Variants in CNGB1 observed in about 807,000 individuals in gnomAD.
CNGB1 encodes the protein cyclic nucleotide-gated channel beta-1.
CNGB1 carries 126 observed loss-of-function variants against 151.7 expected under a neutral mutation model. The ratio of observed to expected loss-of-function variants is 0.83; its 90% CI spans 0.72 to 0.96. CNGB1 has a LOEUF of 0.96. Among genes scored for constraint, CNGB1 ranks in the 40% least tolerant of loss-of-function variants. The probability of loss-of-function intolerance (pLI) is 0.00; values close to 1 mark genes in which losing one functional copy is unlikely to be tolerated. For missense variants in CNGB1, 1,698 were observed against 1,627.0 expected, an observed-to-expected ratio of 1.04 and a Z score of -0.75; for synonymous variants, 623 against 635.1, an observed-to-expected ratio of 0.98 and a Z score of 0.29.
intron 14 of CNGB1, among the ~76,000 whole-genome samples, chr16:57,941,934 C>A (rs2149377503): frequency 6.6e-6 from 1 of 152,238 alleles, no homozygotes; most frequent in African/African-American, 2.4e-5. Flanking sequence ...TCACTACAGC[C>A]TCAACCTCCC....
At chr16:57,929,290 G>A (rs755909945) in intron 17 of CNGB1, among the ~76,000 whole-genome samples, 12 of 152,142 alleles carry the variant, frequency 7.9e-5, no homozygotes, top group Non-Finnish European at 1.6e-4. Context: ...TTTTCACACT[G>A]CTATAAAGGA....
intron 32 of CNGB1, among the ~76,000 whole-genome samples, chr16:57,886,367 A>T (rs1290126224): frequency 3.9e-5 from 6 of 152,144 alleles, no homozygotes; most frequent in Non-Finnish European, 8.8e-5. Context: ...TACTGGGAGC[A>T]CCCTTGGAGT....
chr16:57,920,530 G>A lies in CNGB1; in HGVS notation c.1658C>T (p.Ala553Val), dbSNP rs374424738. Residue 553 changes from alanine to valine, a missense_variant, in exon 19 of 33, where the codon GCG becomes GTG. Ala to Val is a moderately conservative substitution (Grantham distance 64). Coordinates refer to ENST00000251102, the MANE Select transcript of CNGB1 (RefSeq NM_001297.5). The part of the protein sequence containing the change: ...TPKDTDGQDR[A>V]ASTASTNSAI... ...GCTATTTGTGCTGGCCGTGGAGGCC[G>A]CACGGTCCTGGCCACTGTGGGAACA... 44 of 1,612,820 alleles carry A rather than the reference G, an allele frequency of 2.7e-5. No individual in the cohort carries two copies. The highest frequency in any genetic ancestry group is 2.4e-4 in the South Asian group (22 of 91,062).
intron 29 of CNGB1, among the ~76,000 whole-genome samples, chr16:57,898,417 G>A (rs923808121): frequency 1.1e-4 from 17 of 151,608 alleles, no homozygotes; most frequent in African/African-American, 3.6e-4. Flanking sequence ...TCGCTCTGTC[G>A]CCCAGGCTGG....
chr16:57,918,557 C>T lies in CNGB1; in HGVS notation c.1957+542G>A, dbSNP rs535738869. Among the ~76,000 whole-genome samples the T allele has an allele frequency of 4.4e-4, 67 of 152,282 alleles. 3 individuals carry two copies. Among genetic ancestry groups the T allele is most frequent in the Admixed American group, 2.5e-3 (38 of 15,292 alleles). On this transcript the variant is annotated intron_variant, in intron 20 of 32. Transcript: ENST00000251102. ...CAGGAGCTCTAGGAAAAGGCCAGCA[C>T]GACCAGAGTGAAAAAGGACTTGGCC...
intron 18 of CNGB1, among the ~76,000 whole-genome samples, chr16:57,920,749 G>A (rs1433150130): frequency 6.6e-6 from 1 of 152,232 alleles, no homozygotes; most frequent in African/African-American, 2.4e-5. Context: ...ATGCCCAGGT[G>A]TTCTGGCCCA....
intron 26 of CNGB1, 105 bp downstream of exon 26, chr16:57,904,629 A>G (rs1484445769): frequency 7.9e-6 from 12 of 1,519,104 alleles, no homozygotes; most frequent in African/African-American, 5.5e-5. Flanking sequence ...GCCCTTTCCC[A>G]GGCTTAATCC....
At chr16:57,948,849 T>C (rs1184030924) in intron 14 of CNGB1, among the ~76,000 whole-genome samples, 5 of 152,190 alleles carry the variant, frequency 3.3e-5, no homozygotes, top group African/African-American at 4.8e-5. Context: ...CATTGAAATA[T>C]ATGGATGTGG....
chr16:57,884,234 G>C lies in CNGB1; in HGVS notation c.3686C>G (p.Pro1229Arg). 1.2e-6 allele frequency: 2 copies of C among 1,613,906 alleles called. No homozygotes were observed. Among genetic ancestry groups the C allele is most frequent in the Non-Finnish European group, 1.7e-6 (2 of 1,179,916 alleles). ...GATCTGCTCTCCCGGCTCCGGGCCC[G>C]GGCTCATGCAGATCCTCACCGAGTG... ...EEHSVRICMS[P>R]GPEPGEQILS... is the part of the protein sequence containing the mutation. The change falls in exon 33 of 33, where the codon CCG (proline) becomes CGG (arginine). Residue 1229 changes from proline to arginine, a missense_variant. Pro to Arg is a moderately radical substitution (Grantham distance 103, BLOSUM62 -2). Coordinates refer to ENST00000251102, the MANE Select transcript of CNGB1 (RefSeq NM_001297.5).
chr16:57,885,210 A>G (rs1959881078), intron 32 of CNGB1, among the ~76,000 whole-genome samples: 1 of 152,208 alleles, frequency 6.6e-6, no homozygotes, highest in Non-Finnish European at 1.5e-5. Flanking sequence ...CCCCCAGAGG[A>G]GGCCAGGATG....
intron 12 of CNGB1, among the ~76,000 whole-genome samples, chr16:57,952,268 A>G (rs904449202): frequency 6.6e-6 from 1 of 152,088 alleles, no homozygotes; most frequent in East Asian, 1.9e-4. Flanking sequence ...GCCACACAGG[A>G]AGGTGGAGGC....
chr16:57,884,593 G>A, intron 32 of CNGB1, 136 bp from the exon 33 acceptor site: 2 of 907,230 alleles, frequency 2.2e-6, no homozygotes, highest in Non-Finnish European at 3.5e-6. Context: ...AAATCTAGTG[G>A]GTGGGGTGGA....
intron 11 of CNGB1, 28 bp downstream of exon 11, chr16:57,958,370 ACCACCACCAGGG>A: frequency 7.4e-7 from 1 of 1,342,710 alleles, no homozygotes; most frequent in Non-Finnish European, 9.9e-7. Context: ...GACCCCTCCC[ACCACCACCAGGG>A]CCACCACTCC....
intron 16 of CNGB1, among the ~76,000 whole-genome samples, chr16:57,932,978 G>T (rs961050661): frequency 9.2e-5 from 14 of 152,150 alleles, no homozygotes; most frequent in Admixed American, 9.2e-4. Context: ...GCAGTGGCAC[G>T]ATTGCAGCTC....
chr16:57,898,919 A>G (rs1189448669), intron 29 of CNGB1, among the ~76,000 whole-genome samples: 1 of 152,218 alleles, frequency 6.6e-6, no homozygotes, highest in Non-Finnish European at 1.5e-5. Flanking sequence ...ATTTGGGAAT[A>G]GGGTCATTGC....
intron 20 of CNGB1, among the ~76,000 whole-genome samples, chr16:57,918,038 C>CATGGATGGATGG (rs71155216): frequency 7.3e-5 from 11 of 149,860 alleles, no homozygotes; most frequent in South Asian, 2.1e-4. Flanking sequence ...CAGGTGAATG[C>CATGGATGGATGG]ATGGATGGAT....
chr16:57,960,358 T>C lies in CNGB1; in HGVS notation c.583+124A>G. The C allele has an allele frequency of 3.7e-6, 5 of 1,336,958 alleles. No homozygotes were observed. The South Asian group carries it at 6.3e-5, about 17-fold the overall frequency. The allele number at this position is 1,336,958 out of a possible 1,614,324, so 82.8% of individuals were successfully genotyped here. ...CCAACAGCCTGCTCCAGGCAAGCCC[T>C]GAACCCCGTCCTAGTCTGGGTGGGG... On this transcript the variant is annotated intron_variant, in intron 9 of 32. Coordinates refer to ENST00000251102, the MANE Select transcript of CNGB1 (RefSeq NM_001297.5).
chr16:57,912,979 C>T lies in CNGB1; in HGVS notation c.2320G>A (p.Glu774Lys), dbSNP rs1286857064. 3.7e-6 allele frequency: 6 copies of T among 1,613,940 alleles called. No individual in the cohort carries two copies. Among genetic ancestry groups the T allele is most frequent in the Middle Eastern group, 3.3e-4 (2 of 6,062 alleles). The part of the protein sequence containing the change: ...PRCLKYMAFF[E>K]FNSRLESILS... The stretch of plus-strand genomic sequence containing the variant: ...ATGGATTCCAGGCGGCTGTTAAACT[C>T]GAAGAAGGCCATGTACTGGAGGGAG... The change falls in exon 24 of 33, where the codon GAG (glutamate) becomes AAG (lysine). Residue 774 changes from glutamate to lysine, a missense_variant. Glu to Lys is a moderately conservative substitution (Grantham distance 56, BLOSUM62 1). Coordinates refer to ENST00000251102, the MANE Select transcript of CNGB1 (RefSeq NM_001297.5).
intron 16 of CNGB1, among the ~76,000 whole-genome samples, chr16:57,935,650 C>A (rs533688209): frequency 7.3e-5 from 11 of 151,710 alleles, no homozygotes; most frequent in Non-Finnish European, 1.2e-4. Context: ...TCCGTCCCCC[C>A]CCAAAAAAAA....
Sources: allele counts gnomAD v4.1 joint callset (sites outside exome capture counted in the v4.1 genomes callset), GRCh38; gene constraint gnomAD v4.1.1; transcripts MANE v1.5; gene names NCBI Gene and HGNC (gene_info 2026-07-23, HGNC 2026-07-21).